Variants in ALDH1L1 observed in about 807,000 individuals in gnomAD.
The protein encoded by ALDH1L1 is aldehyde dehydrogenase 1 family member L1.
ALDH1L1 carries 68 observed loss-of-function variants against 101.1 expected under a neutral mutation model. The ratio of observed to expected loss-of-function variants is 0.67; its 90% CI spans 0.55 to 0.82. The LOEUF (loss-of-function observed/expected upper bound fraction) is 0.82, where lower values mean the gene tolerates loss of function less well. Ranked by LOEUF, ALDH1L1 falls within the 40% of genes least tolerant of loss-of-function variation. The pLI, the probability that ALDH1L1 is intolerant of heterozygous loss-of-function variation, is 0.00. For missense variants in ALDH1L1, 1,087 were observed against 1,172.7 expected (o/e 0.93, Z 1.07); for synonymous variants, 486 against 470.8 (o/e 1.03, Z -0.42).
intron 1 of ALDH1L1, among the ~76,000 whole-genome samples, chr3:126,171,047 C>G (rs570293465): frequency 6.6e-6 from 1 of 152,270 alleles, no homozygotes; most frequent in African/African-American, 2.4e-5. Context: ...GCCTGTAATC[C>G]CAGCACTTTG....
intron 19 of ALDH1L1, among the ~76,000 whole-genome samples, chr3:126,111,840 C>T (rs1420215373): frequency 6.6e-6 from 1 of 152,204 alleles, no homozygotes; most frequent in Non-Finnish European, 1.5e-5. Flanking sequence ...CGGTGGGGGG[C>T]GGTGCTCTTC....
chr3:126,110,045 T>C lies in ALDH1L1; in HGVS notation c.2246A>G (p.Gln749Arg). Residue 749 changes from glutamine to arginine, a missense_variant, in exon 20 of 23, where the codon CAG becomes CGG. Around this residue, in one of 2 missense-constraint regions of ALDH1L1, gnomAD observed 442 missense variants for 535.7 expected, o/e 0.83. Transcript: ENST00000393434. ...PLDRDTDHGP[Q>R]NHHAHLVKLM... ...CTTCACAAGGTGGGCATGGTGATTC[T>C]GCGGCCCGTGGTCGGTGTCCCTGTC... 1 of 1,614,252 alleles carries C rather than the reference T, an allele frequency of 6.2e-7. No individual in the cohort carries two copies. Among genetic ancestry groups the C allele is most frequent in the South Asian group, 1.1e-5 (1 of 91,090 alleles).
At position 126,117,913 on chromosome 3, in the gene ALDH1L1, T is replaced by G. The variant is rs2080004713; in HGVS notation, c.1982+92A>C. Reference sequence around the variant, plus strand: ...ACGGAAGTGGCTGTGCCCTGGAGCCTGGGAAGCAGGACACAGCTCCTGGGA... The same window carrying G: ...ACGGAAGTGGCTGTGCCCTGGAGCCGGGGAAGCAGGACACAGCTCCTGGGA... On this transcript the variant is annotated intron_variant, in intron 17 of 22. Coordinates refer to ENST00000393434, the MANE Select transcript of ALDH1L1 (RefSeq NM_012190.4). The G allele has an allele frequency of 1.1e-4, 146 of 1,270,512 alleles. 2 individuals are homozygous for G. The South Asian group carries it at 1.8e-3, about 15-fold the overall frequency. 78.7% of individuals were successfully genotyped at this position (1,270,512 alleles called of 1,614,324 possible).
In ALDH1L1 at chr3:126,139,989, A is replaced by G. The variant is rs143804691; in HGVS notation, c.1077-2029T>C. ...GAGAAAAAGGTTTCTCTAAATATGT[A>G]TTTGAAGAAATAGTGGCCCCAAAGT... On this transcript the variant is annotated intron_variant, in intron 9 of 22. Coordinates refer to ENST00000393434, the MANE Select transcript of ALDH1L1 (RefSeq NM_012190.4). 4.3e-3 allele frequency among the ~76,000 whole-genome samples: 648 copies of G among 152,296 alleles called. 7 individuals carry two copies. Among genetic ancestry groups the G allele is most frequent in the African/African-American group, 0.015 (612 of 41,566 alleles).
intron 1 of ALDH1L1, among the ~76,000 whole-genome samples, chr3:126,186,769 G>C (rs2081521099): frequency 6.6e-6 from 1 of 152,190 alleles, no homozygotes; most frequent in South Asian, 2.1e-4. Flanking sequence ...GGTGGGGAGT[G>C]GACCAGAGGG....
chr3:126,191,301 A>G (rs2081552050), intron 1 of ALDH1L1, among the ~76,000 whole-genome samples: 1 of 152,240 alleles, frequency 6.6e-6, no homozygotes, highest in Non-Finnish European at 1.5e-5. Context: ...AGACTAACTC[A>G]GGTTAAAACT....
At chr3:126,167,227 T>C (rs1212724690) in intron 1 of ALDH1L1, among the ~76,000 whole-genome samples, 9 of 152,124 alleles carry the variant, frequency 5.9e-5, no homozygotes, top group Non-Finnish European at 1.3e-4. Flanking sequence ...GTTCCCAAAG[T>C]TCTAAAAAAA....
chr3:126,105,623 G>T, intron 22 of ALDH1L1, 103 bp downstream of exon 22: 2 of 1,331,818 alleles, frequency 1.5e-6, no homozygotes, highest in Non-Finnish European at 2.2e-6. Flanking sequence ...CATGTTCAAG[G>T]CTACGTCCCT....
Position 126,153,645 on chromosome 3 carries a change from G to A in ALDH1L1, c.721-64C>T, listed in dbSNP as rs552158175. The A allele has an allele frequency of 9.6e-6, 15 of 1,570,410 alleles. No homozygotes were observed. In the African/African-American group the frequency reaches 1.6e-4, roughly 17 times the overall value. ...AGAAGCCCCCGAAGCCAGTAGCCCA[G>A]GCAGGTCTGAGCAGGGCTGGGAGAG... On this transcript the variant is annotated intron_variant, in intron 6 of 22. Transcript: ENST00000393434.
intron 20 of ALDH1L1, among the ~76,000 whole-genome samples, chr3:126,109,678 G>A (rs550425653): frequency 3.9e-5 from 6 of 151,982 alleles, no homozygotes; most frequent in Non-Finnish European, 8.8e-5. Flanking sequence ...GGGAGAGACT[G>A]TCAAGGCTGC....
chr3:126,114,791 A>ACCCCCCCCCCCCCCCCC, intron 17 of ALDH1L1, 135 bp from the exon 18 acceptor site: 1 of 600,064 alleles, frequency 1.7e-6, no homozygotes, highest in Non-Finnish European at 2.8e-6. Flanking sequence ...GTGCCTCCCC[A>ACCCCCCCCCCCCCCCCC]CTCCCCCCCA....
chr3:126,113,179 G>A (rs1393489360), intron 18 of ALDH1L1, among the ~76,000 whole-genome samples: 2 of 152,232 alleles, frequency 1.3e-5, no homozygotes, highest in Non-Finnish European at 2.9e-5. Flanking sequence ...GTGGGAGTGA[G>A]CCTTGGCCTG....
At chr3:126,178,271 C>CT (rs2081400098) in intron 1 of ALDH1L1, among the ~76,000 whole-genome samples, 1 of 150,298 alleles carries the variant, frequency 6.7e-6, no homozygotes, top group South Asian at 2.1e-4. Flanking sequence ...GTCCCAGCTA[C>CT]TTGGGAGGCT....
At chr3:126,104,987 C>T (rs1945812951) in intron 22 of ALDH1L1, 1 of 158,112 alleles carries the variant, frequency 6.3e-6, no homozygotes, top group South Asian at 1.9e-4. Flanking sequence ...AGGACGAGGC[C>T]CAAGGCTTGG....
At chr3:126,190,191 T>C (rs2081543948) in intron 1 of ALDH1L1, among the ~76,000 whole-genome samples, 1 of 152,198 alleles carries the variant, frequency 6.6e-6, no homozygotes. Flanking sequence ...CATGCTGATA[T>C]CCCATCAAGG....
intron 9 of ALDH1L1, among the ~76,000 whole-genome samples, chr3:126,141,933 A>G (rs1447516618): frequency 6.6e-6 from 1 of 152,064 alleles, no homozygotes; most frequent in Non-Finnish European, 1.5e-5. Flanking sequence ...GAAAATATCA[A>G]CAAAATTAAC....
At chr3:126,158,367 G>C in intron 3 of ALDH1L1, 38 bp downstream of exon 3, 1 of 1,494,830 alleles carries the variant, frequency 6.7e-7, no homozygotes. Flanking sequence ...GGAGGGACAT[G>C]TATGGGGATG....
chr3:126,148,281 G>A (rs1388902963), intron 8 of ALDH1L1, among the ~76,000 whole-genome samples: 1 of 152,208 alleles, frequency 6.6e-6, no homozygotes, highest in Non-Finnish European at 1.5e-5. Flanking sequence ...AGAGAGTCTG[G>A]ACTACAGGGA....
At chr3:126,163,250 T>C (rs2081097635) in intron 1 of ALDH1L1, among the ~76,000 whole-genome samples, 1 of 152,214 alleles carries the variant, frequency 6.6e-6, no homozygotes, top group African/African-American at 2.4e-5. Flanking sequence ...GTTTGTCTTT[T>C]TTGTTGCTAG....
Sources: allele counts gnomAD v4.1 joint callset (sites outside exome capture counted in the v4.1 genomes callset), GRCh38; gene constraint gnomAD v4.1.1; regional missense constraint gnomAD v4.1.1; transcripts MANE v1.5; gene names NCBI Gene and HGNC (gene_info 2026-07-23, HGNC 2026-07-21).